STK32C: variants seen among roughly 807,000 people sequenced by gnomAD.
The protein encoded by STK32C is serine/threonine kinase 32C.
In STK32C, 31 loss-of-function variants were observed where a neutral mutation model predicts 56.5. That is an observed-to-expected ratio of 0.55 (90% confidence interval 0.41 to 0.74). The LOEUF is 0.74. Among genes scored for constraint, STK32C ranks in the 30% least tolerant of loss-of-function variants. The probability of loss-of-function intolerance (pLI) is 0.00; values close to 1 mark genes in which losing one functional copy is unlikely to be tolerated. For missense variants in STK32C, 544 were observed against 676.9 expected (o/e 0.80, Z 2.18); for synonymous variants, 309 against 289.4 (o/e 1.07, Z -0.69).
downstream of STK32C, among the ~76,000 whole-genome samples, chr10:132,323,174 T>A (rs369703338): frequency 1.3e-3 from 203 of 152,308 alleles, 1 homozygote; most frequent in African/African-American, 4.3e-3. This position sits in a 1 kb window ranked among gnomAD's most constrained non-coding sequence, Gnocchi z 4.8. Context: ...TCTTGGGAAT[T>A]CTTCCTGCCC....
chr10:132,273,013 CA>C (rs1391942357), intron 1 of STK32C, among the ~76,000 whole-genome samples: 3 of 152,344 alleles, frequency 2.0e-5, no homozygotes, highest in Middle Eastern at 3.4e-3. Context: ...ACCCTGGGCT[CA>C]CCATATCCCT....
At chr10:132,311,366 G>A (rs1366350531), upstream of STK32C, among the ~76,000 whole-genome samples, 1 of 152,240 alleles carries the variant, frequency 6.6e-6, no homozygotes, top group Admixed American at 6.5e-5. This position sits in a 1 kb window ranked among gnomAD's most constrained non-coding sequence, Gnocchi z 4.4. Context: ...GTCCACCTAT[G>A]TGGAGAATCC....
intron 2 of STK32C, among the ~76,000 whole-genome samples, chr10:132,244,837 C>A (rs1251603403): frequency 6.6e-6 from 1 of 152,160 alleles, no homozygotes; most frequent in East Asian, 1.9e-4. Flanking sequence ...TCCCAACAGC[C>A]CTGAGCGTCT....
chr10:132,226,663 C>T (rs1470759616), intron 4 of STK32C, 132 bp downstream of exon 4: 1 of 1,106,876 alleles, frequency 9.0e-7, no homozygotes, highest in Non-Finnish European at 1.3e-6. Flanking sequence ...GGGGCAGGCA[C>T]TCAGGCAAGG....
chr10:132,252,432 C>T (rs1321366111), intron 1 of STK32C, among the ~76,000 whole-genome samples: 1 of 152,286 alleles, frequency 6.6e-6, no homozygotes, highest in Non-Finnish European at 1.5e-5. Context: ...GTCTGTCACG[C>T]TCCTCGGCGT....
chr10:132,265,822 T>TC (rs1170887459), intron 1 of STK32C, among the ~76,000 whole-genome samples: 1 of 151,592 alleles, frequency 6.6e-6, no homozygotes, highest in East Asian at 1.9e-4. Context: ...GCCCCCTCCA[T>TC]CCCCCCGGAC....
At chr10:132,315,088 T>G (rs1174486912) in intron 1 of STK32C, among the ~76,000 whole-genome samples, 4 of 152,114 alleles carry the variant, frequency 2.6e-5, no homozygotes, top group African/African-American at 9.7e-5. Context: ...GAGCAGAGAT[T>G]GCACCATTGC....
intron 7 of STK32C, 55 bp from the exon 8 acceptor site, chr10:132,224,578 A>C: frequency 5.2e-6 from 7 of 1,349,376 alleles, no homozygotes; most frequent in Non-Finnish European, 7.3e-6. Context: ...GGACACCCAG[A>C]ACAATGCCAG....
intron 10 of STK32C, among the ~76,000 whole-genome samples, chr10:132,212,715 C>T (rs1264476974): frequency 1.3e-5 from 2 of 152,250 alleles, no homozygotes; most frequent in African/African-American, 2.4e-5. Context: ...GACGAAGAAA[C>T]ACAGAGACGA....
chr10:132,210,099 G>A (rs1417134600), intron 10 of STK32C, among the ~76,000 whole-genome samples: 8 of 152,204 alleles, frequency 5.3e-5, no homozygotes, highest in Admixed American at 5.2e-4. Flanking sequence ...ACCCCCCCAT[G>A]CGATTGGCCA....
At chr10:132,274,064 A>G (rs1185499718) in intron 1 of STK32C, among the ~76,000 whole-genome samples, 1 of 152,218 alleles carries the variant, frequency 6.6e-6, no homozygotes, top group Non-Finnish European at 1.5e-5. Flanking sequence ...TGCGAGGTGA[A>G]GCAAGCTGAG....
intron 1 of STK32C, among the ~76,000 whole-genome samples, chr10:132,285,785 A>G (rs937177579): frequency 6.6e-5 from 10 of 152,244 alleles, no homozygotes; most frequent in Non-Finnish European, 1.3e-4. Context: ...AACGCAAAAC[A>G]CTAATGTGAG....
chr10:132,306,579 A>G lies in STK32C; in HGVS notation c.262+993T>C, dbSNP rs576814982. On this transcript the variant is annotated intron_variant, in intron 1 of 11. Coordinates refer to ENST00000298630, the MANE Select transcript of STK32C (RefSeq NM_173575.4). ...GGTCGTATTACTGTAATTTCCCATA[A>G]TGCTTAAATTATTTATCGCAAGTAA... Among the ~76,000 whole-genome samples, 3 of 152,320 alleles carry G rather than the reference A, an allele frequency of 2.0e-5. No individual in the cohort carries two copies. The South Asian group carries it at 6.2e-4, about 32-fold the overall frequency.
At chr10:132,281,846 C>G (rs2138237316) in intron 1 of STK32C, among the ~76,000 whole-genome samples, 1 of 152,324 alleles carries the variant, frequency 6.6e-6, no homozygotes, top group East Asian at 1.9e-4. Context: ...GGTGCTGAGG[C>G]CGCGGGGCAA....
chr10:132,289,262 T>C (rs1006460938), intron 1 of STK32C, among the ~76,000 whole-genome samples: 3 of 152,174 alleles, frequency 2.0e-5, no homozygotes, highest in Non-Finnish European at 4.4e-5. Flanking sequence ...TGCACAAAAA[T>C]TAATTTTAAA....
chr10:132,315,653 G>C (rs1406649951), intron 1 of STK32C, among the ~76,000 whole-genome samples: 4 of 152,176 alleles, frequency 2.6e-5, no homozygotes, highest in African/African-American at 7.2e-5. Flanking sequence ...GGAATTGCTA[G>C]AACAGGTACA....
At chr10:132,209,230 T>TTG in intron 10 of STK32C, 129 bp from the exon 11 acceptor site, 2 of 844,688 alleles carry the variant, frequency 2.4e-6, no homozygotes, top group South Asian at 2.9e-5. Flanking sequence ...CTCTGGGCTA[T>TTG]TGAAGTGCCC....
chr10:132,270,062 C>T (rs1037178259), intron 1 of STK32C, among the ~76,000 whole-genome samples: 1 of 152,218 alleles, frequency 6.6e-6, no homozygotes, highest in African/African-American at 2.4e-5. Context: ...GGACAGCGTC[C>T]CCTCAACCTG....
chr10:132,245,091 T>A (rs1453000700), intron 2 of STK32C, among the ~76,000 whole-genome samples: 1 of 152,170 alleles, frequency 6.6e-6, no homozygotes, highest in African/African-American at 2.4e-5. Context: ...TGGAGGTAAT[T>A]AATCGCATTC....
Sources: allele counts gnomAD v4.1 joint callset (sites outside exome capture counted in the v4.1 genomes callset), GRCh38; gene constraint gnomAD v4.1.1; non-coding constraint Gnocchi (gnomAD v3.1); transcripts MANE v1.5; gene names NCBI Gene and HGNC (gene_info 2026-07-23, HGNC 2026-07-21).